Variants in LINGO3 observed in about 807,000 individuals in gnomAD.
LINGO3 encodes leucine rich repeat and Ig domain containing 3, also known as leucine-rich repeat and immunoglobulin-like domain-containing nogo receptor-interacting protein 3.
For synonymous variants in LINGO3, 427 were observed against 444.2 expected (o/e 0.96, Z 0.49); for missense variants, 750 against 867.7 (o/e 0.86, Z 1.70).
At chr19:2,301,152 G>C in the LINGO3 span, among the ~76,000 whole-genome samples, 1 of 152,182 alleles carries the variant, frequency 6.6e-6, no homozygotes. Flanking sequence ...CCCTGAGTGG[G>C]AGGGAGAGAG....
chr19:2,292,727 T>C (rs1256457154), upstream of LINGO3, among the ~76,000 whole-genome samples: 1 of 152,008 alleles, frequency 6.6e-6, no homozygotes, highest in Non-Finnish European at 1.5e-5. Flanking sequence ...TGACCTCAGG[T>C]GATCCACCTG....
chr19:2,300,487 C>T, the LINGO3 span, among the ~76,000 whole-genome samples: 2 of 151,962 alleles, frequency 1.3e-5, no homozygotes, highest in Admixed American at 6.6e-5. Flanking sequence ...GGCATTACCT[C>T]CCATCCTCCC....
At chr19:2,289,022 G>GTGTGAGC (rs1218649989), downstream of LINGO3, among the ~76,000 whole-genome samples, 1 of 151,590 alleles carries the variant, frequency 6.6e-6, no homozygotes, top group African/African-American at 2.4e-5. Context: ...TGTGTTCTGG[G>GTGTGAGC]TGTGAGCTGT....
At chr19:2,306,126 C>T in the LINGO3 span, among the ~76,000 whole-genome samples, 1 of 152,202 alleles carries the variant, frequency 6.6e-6, no homozygotes, top group Non-Finnish European at 1.5e-5. Context: ...CTGTCTACAC[C>T]GGCCACTTCA....
chr19:2,296,894 C>T (rs183286839), upstream of LINGO3, among the ~76,000 whole-genome samples: 4,868 of 151,032 alleles, frequency 0.032, 274 homozygotes, highest in African/African-American at 0.11. Flanking sequence ...CGAGACCATC[C>T]TGGCTAACAT....
chr19:2,307,944 G>A, the LINGO3 span, among the ~76,000 whole-genome samples: 3 of 152,082 alleles, frequency 2.0e-5, no homozygotes, highest in East Asian at 1.9e-4. Context: ...GGAGGGGTGC[G>A]CGGGGCAATT....
At chr19:2,300,290 C>T in the LINGO3 span, among the ~76,000 whole-genome samples, 1 of 152,060 alleles carries the variant, frequency 6.6e-6, no homozygotes, top group East Asian at 1.9e-4. Flanking sequence ...CCTCAGCCTC[C>T]CAAGGTGCTA....
upstream of LINGO3, among the ~76,000 whole-genome samples, chr19:2,296,197 G>A (rs374795399): frequency 5.9e-5 from 9 of 152,180 alleles, no homozygotes; most frequent in Admixed American, 2.0e-4. Context: ...GTGCTAGGGC[G>A]GTGATGGCAC....
chr19:2,291,499 A>G (rs1160213577), exon 1 of LINGO3: 2 of 1,611,602 alleles, frequency 1.2e-6, no homozygotes, highest in Admixed American at 3.3e-5. Flanking sequence ...GCCGGGCTCC[A>G]CGTGCGCGAT....
chr19:2,290,280 G>T lies in LINGO3; in HGVS notation c.1497C>A (p.Pro499=). ...CCGGGGTCCGGTTGGCGGCCGGCTC[G>T]GGGCGCACGGTCAGCGTGGCGAAGT... The change falls in exon 1 of 1, where the codon CCC becomes CCA. Residue 499 remains proline, a synonymous_variant. Coordinates refer to ENST00000585527, the Ensembl canonical transcript of LINGO3. This position sits in a 1 kb window ranked among gnomAD's most constrained non-coding sequence, Gnocchi z 6.0. 6.3e-7 allele frequency: 1 copy of T among 1,589,120 alleles called. No homozygotes were observed. Among genetic ancestry groups the T allele is most frequent in the Non-Finnish European group, 8.5e-7 (1 of 1,172,508 alleles).
chr19:2,299,487 G>A, the LINGO3 span, among the ~76,000 whole-genome samples: 17 of 151,668 alleles, frequency 1.1e-4, no homozygotes, highest in Non-Finnish European at 2.1e-4. Flanking sequence ...GCAGTGGTGC[G>A]ATCTCGGCTC....
the LINGO3 span, among the ~76,000 whole-genome samples, chr19:2,304,627 G>T: frequency 1.3e-5 from 2 of 151,974 alleles, no homozygotes; most frequent in Non-Finnish European, 2.9e-5. Flanking sequence ...AGGGATGCGG[G>T]TGCCTCTGGG....
chr19:2,296,131 G>A (rs116795237), upstream of LINGO3, among the ~76,000 whole-genome samples: 8,802 of 152,226 alleles, frequency 0.058, 434 homozygotes, highest in East Asian at 0.22. Context: ...ATTCTCTCCC[G>A]AGCTGCTGCC....
upstream of LINGO3, among the ~76,000 whole-genome samples, chr19:2,296,738 A>C (rs1430930846): frequency 6.6e-6 from 1 of 151,090 alleles, no homozygotes; most frequent in African/African-American, 2.4e-5. Context: ...CGGCCTCTCA[A>C]AGTGCTGGGA....
Position 2,291,811 on chromosome 19 carries a change from C to T in LINGO3, c.-35G>A, listed in dbSNP as rs753085846. The T allele has an allele frequency of 2.1e-6, 3 of 1,458,792 alleles. No individual in the cohort carries two copies. The South Asian group carries it at 3.7e-5, about 18-fold the overall frequency. 90.4% of individuals were successfully genotyped at this position (1,458,792 alleles called of 1,614,324 possible). ...CGTGGGCCTAGGGCCGCGCCACCATCCTCCTGCGCACCTGCGGGCGGGCGG... is the reference window on the plus strand; with the variant it reads ...CGTGGGCCTAGGGCCGCGCCACCATTCTCCTGCGCACCTGCGGGCGGGCGG... On this transcript the variant is annotated 5_prime_UTR_variant, in exon 1 of 1. Transcript: ENST00000585527.
chr19:2,306,800 G>A, the LINGO3 span, among the ~76,000 whole-genome samples: 3 of 151,926 alleles, frequency 2.0e-5, no homozygotes, highest in Non-Finnish European at 4.4e-5. Flanking sequence ...CCACATCATC[G>A]AGATGGGGAC....
At chr19:2,296,252 T>A (rs1319373103), upstream of LINGO3, among the ~76,000 whole-genome samples, 2 of 151,964 alleles carry the variant, frequency 1.3e-5, no homozygotes, top group African/African-American at 2.4e-5. Flanking sequence ...TACTGTCCGC[T>A]CCACAGTGTT....
chr19:2,291,471 C>T (rs1488041021), exon 1 of LINGO3: 2 of 1,612,628 alleles, frequency 1.2e-6, no homozygotes, highest in South Asian at 1.1e-5. Flanking sequence ...CGCGCAGGCG[C>T]GGCAGGTTGG....
At chr19:2,297,643 T>C in the LINGO3 span, among the ~76,000 whole-genome samples, 2 of 148,380 alleles carry the variant, frequency 1.3e-5, no homozygotes, top group Non-Finnish European at 3.0e-5. Flanking sequence ...TCATTCTTTT[T>C]GTCCAGGCTG....
Sources: gnomAD v4.1 joint callset for allele counts (sites outside exome capture counted in the v4.1 genomes callset) on GRCh38, gnomAD v4.1.1 for gene constraint, Gnocchi (gnomAD v3.1) non-coding constraint, MANE v1.5 for transcripts, NCBI Gene and HGNC (gene_info 2026-07-23, HGNC 2026-07-21) for gene names.